PEMT: variants seen among roughly 807,000 people sequenced by gnomAD.
PEMT encodes the protein phospholipid methyltransferase.
Under a neutral mutation model 27.4 loss-of-function variants are expected in PEMT, and 23 were observed. That is an observed-to-expected ratio of 0.84 (90% CI 0.60 to 1.19). PEMT has a LOEUF of 1.19. Among genes scored for constraint, PEMT ranks in the 50% most tolerant of loss-of-function variants. PEMT has a pLI of 0.00. For synonymous variants in PEMT, 137 were observed against 139.1 expected, an observed-to-expected ratio of 0.98 and a Z score of 0.11; for missense variants, 307 against 310.1, an observed-to-expected ratio of 0.99 and a Z score of 0.07.
intron 3 of PEMT, among the ~76,000 whole-genome samples, chr17:17,519,739 G>A (rs866386605): frequency 6.6e-6 from 1 of 152,224 alleles, no homozygotes; most frequent in African/African-American, 2.4e-5. Flanking sequence ...GCAGGGAGGT[G>A]ATGGGGAGGA....
chr17:17,568,202 C>A (rs909729927), intron 2 of PEMT, among the ~76,000 whole-genome samples: 12 of 152,192 alleles, frequency 7.9e-5, no homozygotes, highest in Non-Finnish European at 1.6e-4. Flanking sequence ...GCCTCAACTC[C>A]TGCCCACCCT....
chr17:17,581,277 G>A (rs1911960201), intron 1 of PEMT, among the ~76,000 whole-genome samples: 1 of 152,148 alleles, frequency 6.6e-6, no homozygotes, highest in Admixed American at 6.5e-5. Flanking sequence ...CACTCTAGGG[G>A]ATCTAAGAAA....
In PEMT at chr17:17,522,342, G is replaced by C. The variant is rs772066127; in HGVS notation, c.258C>G (p.Pro86=). Residue 86 remains proline, a synonymous_variant, in exon 3 of 7, where the codon CCC becomes CCG. Transcript: ENST00000255389. ...TRKLSRAFGS[P]YLACYSLSVT... is the part of the protein sequence containing the mutation. ...CGCTTAGAGAGTAGCAGGCCAGGTA[G>C]GGGGATCCGAAGGCCCTGCTCAGCT... is the stretch of plus-strand genomic sequence containing the variant. 15 of 1,613,900 alleles carry C rather than the reference G, an allele frequency of 9.3e-6. No homozygotes were observed. Among genetic ancestry groups the C allele is most frequent in the Non-Finnish European group, 1.2e-5 (14 of 1,179,874 alleles).
At chr17:17,567,223 C>T (rs988656197) in intron 2 of PEMT, among the ~76,000 whole-genome samples, 4 of 152,226 alleles carry the variant, frequency 2.6e-5, no homozygotes, top group African/African-American at 7.2e-5. Flanking sequence ...GCTCCCTCTC[C>T]CCTCCCTTTT....
At chr17:17,526,981 G>A (rs1907714919) in intron 2 of PEMT, among the ~76,000 whole-genome samples, 1 of 152,088 alleles carries the variant, frequency 6.6e-6, no homozygotes, top group South Asian at 2.1e-4. Flanking sequence ...ACTTCCTATT[G>A]GTCTCTCAAA....
At chr17:17,568,098 G>A (rs1484741662) in intron 2 of PEMT, among the ~76,000 whole-genome samples, 1 of 152,096 alleles carries the variant, frequency 6.6e-6, no homozygotes, top group Non-Finnish European at 1.5e-5. Context: ...TGAGCAGACA[G>A]TCCAGATTGC....
intron 1 of PEMT, among the ~76,000 whole-genome samples, chr17:17,588,147 G>A: frequency 6.6e-6 from 1 of 152,178 alleles, no homozygotes; most frequent in East Asian, 1.9e-4. Context: ...TTGATGAGCA[G>A]CCACGGAAAG....
chr17:17,508,658 TG>T, intron 5 of PEMT: 1 of 362,632 alleles, frequency 2.8e-6, no homozygotes, highest in Non-Finnish European at 5.6e-6. Flanking sequence ...GGGTGGGGGC[TG>T]GGTATGAAGC....
intron 2 of PEMT, among the ~76,000 whole-genome samples, chr17:17,547,791 A>C (rs923369546): frequency 6.6e-6 from 1 of 152,122 alleles, no homozygotes; most frequent in Admixed American, 6.6e-5. Flanking sequence ...CGTGAACTGA[A>C]AGCAGGTTTA....
intron 1 of PEMT, among the ~76,000 whole-genome samples, chr17:17,578,387 T>A (rs1440850129): frequency 6.6e-6 from 1 of 151,860 alleles, no homozygotes; most frequent in African/African-American, 2.4e-5. Flanking sequence ...TAGTTCCAGT[T>A]ACTTGGGAGG....
At chr17:17,525,434 C>T (rs1015434123) in intron 2 of PEMT, among the ~76,000 whole-genome samples, 8 of 152,234 alleles carry the variant, frequency 5.3e-5, no homozygotes, top group African/African-American at 1.4e-4. Flanking sequence ...GCAGCACCAC[C>T]GTGTCCTCAC....
chr17:17,545,233 G>T (rs975941798), intron 2 of PEMT, among the ~76,000 whole-genome samples: 1 of 152,168 alleles, frequency 6.6e-6, no homozygotes, highest in African/African-American at 2.4e-5. Flanking sequence ...GCCCATGCAG[G>T]TCACCTGTAT....
chr17:17,588,429 C>A (rs1428317456), intron 1 of PEMT, among the ~76,000 whole-genome samples: 1 of 152,142 alleles, frequency 6.6e-6, no homozygotes, highest in African/African-American at 2.4e-5. Context: ...GTGTCCCCTG[C>A]CCCAGGTCTC....
chr17:17,582,276 G>A lies in PEMT; in HGVS notation c.97-5249C>T. ...GAAAGGAGCTACCCACCACGGCCAG[G>A]AGGTCTGCTGAGCTGCAGGAATAGC... On this transcript the variant is annotated intron_variant, in intron 1 of 6. Coordinates refer to ENST00000255389, the MANE Select transcript of PEMT (RefSeq NM_148172.3). The surrounding 1 kb of genome is among the most constrained non-coding windows in gnomAD (Gnocchi z 4.9). 1.0e-6 allele frequency: 1 copy of A among 985,504 alleles called. No homozygotes were observed. The highest frequency in any genetic ancestry group is 1.2e-6 in the Non-Finnish European group (1 of 829,982). The allele number at this position is 985,504 out of a possible 1,614,324, so 61.0% of individuals were successfully genotyped here.
Position 17,576,996 on chromosome 17 carries a change from C to G in PEMT, c.128G>C (p.Gly43Ala). 6.2e-7 allele frequency: 1 copy of G among 1,614,010 alleles called. No individual in the cohort carries two copies. The highest frequency in any genetic ancestry group is 8.5e-7 in the Non-Finnish European group (1 of 1,179,982). The change falls in exon 2 of 7, where the codon GGC becomes GCC. Residue 43 changes from glycine to alanine, a missense_variant. Transcript: ENST00000255389. ...GCTGGGATCCAGGGGGTCCACGTAG[C>G]CCAGCAGCCGGGTCATAACGCAGAA... ...ADFCVMTRLL[G>A]YVDPLDPSFV... is the part of the protein sequence containing the mutation.
At chr17:17,565,756 G>T (rs559935865) in intron 2 of PEMT, among the ~76,000 whole-genome samples, 14 of 152,254 alleles carry the variant, frequency 9.2e-5, no homozygotes, top group Non-Finnish European at 1.9e-4. Context: ...GAAAGGGGCC[G>T]CCAGCTACAG....
At chr17:17,538,605 T>C (rs1041408508) in intron 2 of PEMT, among the ~76,000 whole-genome samples, 3 of 152,190 alleles carry the variant, frequency 2.0e-5, no homozygotes, top group African/African-American at 7.2e-5. Flanking sequence ...AAGAGGCAGT[T>C]GTTTCATCAG....
intron 1 of PEMT, among the ~76,000 whole-genome samples, chr17:17,579,539 G>A (rs1423884945): frequency 7.2e-5 from 11 of 152,298 alleles, no homozygotes; most frequent in South Asian, 2.1e-4. Flanking sequence ...TTAGCTGGGC[G>A]TGGTGGTGCA....
chr17:17,583,707 G>A (rs1314053876), intron 1 of PEMT, among the ~76,000 whole-genome samples: 1 of 152,228 alleles, frequency 6.6e-6, no homozygotes, highest in Non-Finnish European at 1.5e-5. Context: ...CGAGGCTGGC[G>A]GCCCCTCTAC....
Sources: gnomAD v4.1 joint callset for allele counts (sites outside exome capture counted in the v4.1 genomes callset) on GRCh38, gnomAD v4.1.1 for gene constraint, Gnocchi (gnomAD v3.1) non-coding constraint, MANE v1.5 for transcripts, NCBI Gene and HGNC (gene_info 2026-07-23, HGNC 2026-07-21) for gene names.